FRMD4A: variants seen among roughly 807,000 people sequenced by gnomAD.
FRMD4A encodes FERM domain containing 4A.
In FRMD4A, 29 loss-of-function variants were observed where a neutral mutation model predicts 129.1. The ratio of observed to expected loss-of-function variants is 0.22; its 90% CI spans 0.17 to 0.31. FRMD4A has a LOEUF of 0.31. Among genes scored for constraint, FRMD4A ranks in the 10% least tolerant of loss-of-function variants. The pLI is 1.00. For synonymous variants in FRMD4A, 634 were observed against 571.6 expected (o/e 1.11, Z -1.56); for missense variants, 1,272 against 1,375.8 (o/e 0.92, Z 1.19).
At chr10:13,894,353 A>G (rs2094733984) in intron 2 of FRMD4A, among the ~76,000 whole-genome samples, 1 of 152,204 alleles carries the variant, frequency 6.6e-6, no homozygotes, top group Admixed American at 6.5e-5. Flanking sequence ...CAAAAAGTCC[A>G]TATTCCTTCT....
chr10:13,880,881 T>C (rs2094538873), intron 2 of FRMD4A, among the ~76,000 whole-genome samples: 1 of 152,110 alleles, frequency 6.6e-6, no homozygotes, highest in Admixed American at 6.5e-5. Context: ...TAGCATCCTC[T>C]GTCACTTACT....
At chr10:13,797,884 T>C (rs1564820253) in intron 4 of FRMD4A, among the ~76,000 whole-genome samples, 2 of 127,014 alleles carry the variant, frequency 1.6e-5, no homozygotes, top group East Asian at 2.5e-4. Flanking sequence ...CAACCCCTTT[T>C]TGAGGCTTCA....
intron 5 of FRMD4A, among the ~76,000 whole-genome samples, chr10:13,790,781 A>C (rs912139075): frequency 6.6e-6 from 1 of 151,372 alleles, no homozygotes; most frequent in Non-Finnish European, 1.5e-5. Context: ...GCAAGTGCAG[A>C]CCCATCTCTC....
chr10:14,210,464 A>T (rs1461422497), intron 2 of FRMD4A, among the ~76,000 whole-genome samples: 1 of 152,162 alleles, frequency 6.6e-6, no homozygotes, highest in Non-Finnish European at 1.5e-5. Flanking sequence ...TAACCCCTGA[A>T]TTCCAGAGGT....
At chr10:14,221,430 T>G (rs139704135) in intron 2 of FRMD4A, among the ~76,000 whole-genome samples, 44 of 152,292 alleles carry the variant, frequency 2.9e-4, no homozygotes, top group African/African-American at 1.0e-3. Flanking sequence ...TACAGGCTCT[T>G]TTATCCTAGT....
chr10:13,679,871 G>C (rs1197365603), intron 15 of FRMD4A, among the ~76,000 whole-genome samples: 1 of 151,988 alleles, frequency 6.6e-6, no homozygotes, highest in Admixed American at 6.6e-5. Context: ...CCAGTGACAC[G>C]GACACACCAG....
In FRMD4A at chr10:13,659,504, GA is replaced by G; in HGVS notation, c.1899-15del. 1 of 1,607,642 alleles carries G rather than the reference GA, an allele frequency of 6.2e-7. No homozygotes were observed. The highest frequency in any genetic ancestry group is 1.8e-4 in the Middle Eastern group (1 of 5,474). On this transcript the variant is annotated splice_polypyrimidine_tract_variant and intron_variant, in intron 20 of 24. Coordinates refer to ENST00000357447, the MANE Select transcript of FRMD4A (RefSeq NM_018027.5). Reference sequence around the variant, plus strand: ...CGCTTGTGGCTGCTGCAAAGCCAAGGATGCCACGTGGTCACCGCCAGACAGA... The same window carrying G: ...CGCTTGTGGCTGCTGCAAAGCCAAGGTGCCACGTGGTCACCGCCAGACAGA...
intron 2 of FRMD4A, among the ~76,000 whole-genome samples, chr10:14,053,010 G>A (rs562860239): frequency 3.2e-4 from 49 of 152,130 alleles, no homozygotes; most frequent in African/African-American, 9.4e-4. Flanking sequence ...CCAACACTGC[G>A]GATCATATTT....
At position 14,276,760 on chromosome 10, in the gene FRMD4A, C is replaced by T. The variant is rs533102209; in HGVS notation, c.45+53298G>A. 1.1e-4 allele frequency among the ~76,000 whole-genome samples: 16 copies of T among 152,358 alleles called. No homozygotes were observed. In the South Asian group the frequency reaches 3.3e-3, roughly 32 times the overall value. On this transcript the variant is annotated intron_variant, in intron 2 of 24. Transcript: ENST00000357447. Reference sequence around the variant, plus strand: ...TGCTTCTCTATGGTGTGAAGCCTGACCTTCCCATCTTCCTGCTCTGTTCTT... The same window carrying T: ...TGCTTCTCTATGGTGTGAAGCCTGATCTTCCCATCTTCCTGCTCTGTTCTT...
intron 2 of FRMD4A, among the ~76,000 whole-genome samples, chr10:14,306,074 C>T (rs976355244): frequency 5.9e-5 from 9 of 152,094 alleles, no homozygotes; most frequent in Non-Finnish European, 1.0e-4. Flanking sequence ...CAAAGCACCA[C>T]GGCACACATT....
At chr10:14,199,746 TA>T (rs1266857432) in intron 2 of FRMD4A, among the ~76,000 whole-genome samples, 1 of 151,620 alleles carries the variant, frequency 6.6e-6, no homozygotes, top group Non-Finnish European at 1.5e-5. Flanking sequence ...TATCTCATCA[TA>T]TTTAGTTTTA....
chr10:14,303,144 C>T (rs763845992), intron 2 of FRMD4A, among the ~76,000 whole-genome samples: 1 of 152,196 alleles, frequency 6.6e-6, no homozygotes, highest in Non-Finnish European at 1.5e-5. Context: ...CATTTCAAGG[C>T]AACCCAATCA....
intron 2 of FRMD4A, among the ~76,000 whole-genome samples, chr10:14,297,977 G>A (rs1004448104): frequency 1.3e-5 from 2 of 152,166 alleles, no homozygotes; most frequent in African/African-American, 4.8e-5. Flanking sequence ...GCTGTTACAC[G>A]AGGGAAATAA....
intron 2 of FRMD4A, among the ~76,000 whole-genome samples, chr10:13,937,711 T>C (rs2131301811): frequency 6.6e-6 from 1 of 152,292 alleles, no homozygotes; most frequent in East Asian, 1.9e-4. Context: ...GGACTTAAAA[T>C]TAAAATTTAA....
At chr10:13,805,452 C>CA (rs971922748) in intron 4 of FRMD4A, among the ~76,000 whole-genome samples, 14 of 150,966 alleles carry the variant, frequency 9.3e-5, no homozygotes, top group African/African-American at 2.4e-4. Flanking sequence ...AAAAAACCCC[C>CA]AAAAAATCAA....
intron 18 of FRMD4A, among the ~76,000 whole-genome samples, 191 bp downstream of exon 18, chr10:13,665,906 G>A (rs556123442): frequency 6.6e-6 from 1 of 152,372 alleles, no homozygotes; most frequent in South Asian, 2.1e-4. Flanking sequence ...CCCTTCATCT[G>A]TGTCTGAGTC....
intron 2 of FRMD4A, among the ~76,000 whole-genome samples, chr10:14,237,551 G>A (rs1000615300): frequency 3.3e-5 from 5 of 152,016 alleles, no homozygotes; most frequent in African/African-American, 4.8e-5. Context: ...GGCTGGTCTC[G>A]AACTCCTGAC....
At chr10:14,218,396 C>T (rs1200931589) in intron 2 of FRMD4A, among the ~76,000 whole-genome samples, 2 of 152,208 alleles carry the variant, frequency 1.3e-5, no homozygotes, top group Non-Finnish European at 2.9e-5. Context: ...GAGGTATCAT[C>T]CTTTGGATTA....
At chr10:14,311,509 T>C (rs1324236563) in intron 2 of FRMD4A, among the ~76,000 whole-genome samples, 1 of 152,142 alleles carries the variant, frequency 6.6e-6, no homozygotes, top group East Asian at 1.9e-4. Flanking sequence ...ATTCATTTTA[T>C]ATTATTTCTT....
Sources: allele counts gnomAD v4.1 joint callset (sites outside exome capture counted in the v4.1 genomes callset), GRCh38; gene constraint gnomAD v4.1.1; transcripts MANE v1.5; gene names NCBI Gene and HGNC (gene_info 2026-07-23, HGNC 2026-07-21).